CDH4: variants seen among roughly 807,000 people sequenced by gnomAD.
The protein encoded by CDH4 is cadherin-4.
A neutral mutation model predicts 86.0 loss-of-function variants in CDH4; 33 were observed. The ratio of observed to expected loss-of-function variants is 0.38; its 90% CI spans 0.29 to 0.51. CDH4 has a LOEUF of 0.51. CDH4 is among the 20% of genes least tolerant of loss of function. The pLI is 0.86. For synonymous variants in CDH4, 555 were observed against 549.4 expected (o/e 1.01, Z -0.14); for missense variants, 1,114 against 1,307.4 (o/e 0.85, Z 2.28).
At chr20:61,936,592 A>T in intron 15 of CDH4, 145 bp from the exon 16 acceptor site, 1 of 541,140 alleles carries the variant, frequency 1.8e-6, no homozygotes, top group Non-Finnish European at 3.1e-6. Flanking sequence ...CCCTTCAGTT[A>T]AATGCAGAGA....
At position 61,676,794 on chromosome 20, in the gene CDH4, G is replaced by A. The variant is rs573255979; in HGVS notation, c.170-66769G>A. On this transcript the variant is annotated intron_variant, in intron 2 of 15. Transcript: ENST00000614565. This position sits in a 1 kb window ranked among gnomAD's most constrained non-coding sequence, Gnocchi z 4.5. ...TGCGAGAAAGGGAAAGTGGGATCAG[G>A]ATGAGGCTTGGAGTGGAAGGGGGTT... is the stretch of plus-strand genomic sequence containing the variant. 6.6e-5 allele frequency among the ~76,000 whole-genome samples: 10 copies of A among 152,354 alleles called. No individual in the cohort carries two copies. Among genetic ancestry groups the A allele is most frequent in the African/African-American group, 1.9e-4 (8 of 41,588 alleles).
intron 4 of CDH4, among the ~76,000 whole-genome samples, chr20:61,821,583 C>A (rs1981046270): frequency 6.6e-6 from 1 of 152,146 alleles, no homozygotes; most frequent in Non-Finnish European, 1.5e-5. Context: ...TTCCAGGAGG[C>A]AGAAAGGTCC....
At chr20:61,314,775 C>T (rs544382835) in intron 2 of CDH4, among the ~76,000 whole-genome samples, 3 of 152,334 alleles carry the variant, frequency 2.0e-5, no homozygotes, top group Admixed American at 2.0e-4. Context: ...CTTTTCTCCA[C>T]GTCCTCACCG....
At chr20:61,638,051 AGAG>A (rs1220273012) in intron 2 of CDH4, among the ~76,000 whole-genome samples, 2 of 141,702 alleles carry the variant, frequency 1.4e-5, no homozygotes, top group East Asian at 2.1e-4. Context: ...TGAAGAGAGG[AGAG>A]GAGAAGAGTC....
intron 2 of CDH4, among the ~76,000 whole-genome samples, chr20:61,695,039 A>G (rs2087701986): frequency 6.6e-6 from 1 of 152,232 alleles, no homozygotes; most frequent in Non-Finnish European, 1.5e-5. Flanking sequence ...TAGGTGCAGA[A>G]AATATGTGCA....
intron 2 of CDH4, among the ~76,000 whole-genome samples, chr20:61,320,272 C>T (rs1373601869): frequency 6.6e-6 from 1 of 152,122 alleles, no homozygotes; most frequent in African/African-American, 2.4e-5. Flanking sequence ...CAGTTTTTGT[C>T]ACGATTGTTC....
chr20:61,921,242 A>G (rs1600775552), intron 9 of CDH4, among the ~76,000 whole-genome samples: 2 of 143,066 alleles, frequency 1.4e-5, no homozygotes, highest in Admixed American at 6.9e-5. Flanking sequence ...GCATGGAAGC[A>G]TGGTGTCACG....
At chr20:61,331,653 A>AGGTCTACCTCCTGCCCCG in intron 2 of CDH4, among the ~76,000 whole-genome samples, 1 of 22,718 alleles carries the variant, frequency 4.4e-5, no homozygotes, top group Non-Finnish European at 8.8e-5. Context: ...CTCCCGCCCC[A>AGGTCTACCTCCTGCCCCG]GCCACCTGCC....
intron 2 of CDH4, among the ~76,000 whole-genome samples, chr20:61,310,030 C>G (rs1033765951): frequency 6.6e-6 from 1 of 152,148 alleles, no homozygotes; most frequent in East Asian, 1.9e-4. Flanking sequence ...CTGCGGCTTA[C>G]AGAAATGGGT....
At chr20:61,471,768 G>A (rs1425955742) in intron 2 of CDH4, among the ~76,000 whole-genome samples, 1 of 151,940 alleles carries the variant, frequency 6.6e-6, no homozygotes. Context: ...ATTGCCCACT[G>A]GAGCATTATT....
chr20:61,885,875 G>C (rs12233286), intron 7 of CDH4, among the ~76,000 whole-genome samples: 15,331 of 152,240 alleles, frequency 0.1, 1,319 homozygotes, highest in East Asian at 0.51. Flanking sequence ...GGGGATGGAG[G>C]TTCCAGCAGT....
chr20:61,467,718 A>G (rs1039373620), intron 2 of CDH4, among the ~76,000 whole-genome samples: 3 of 152,302 alleles, frequency 2.0e-5, no homozygotes, highest in Admixed American at 6.5e-5. Context: ...TTCCATATCC[A>G]TCATCTTTAT....
chr20:61,557,625 G>A (rs182260710), intron 2 of CDH4, among the ~76,000 whole-genome samples: 60 of 152,154 alleles, frequency 3.9e-4, no homozygotes, highest in Non-Finnish European at 2.6e-4. Context: ...TGAAAATGCC[G>A]CTCTTTTACA....
intron 2 of CDH4, among the ~76,000 whole-genome samples, chr20:61,687,192 A>G (rs2087592696): frequency 6.6e-6 from 1 of 152,228 alleles, no homozygotes; most frequent in South Asian, 2.1e-4. Flanking sequence ...AAAGCTGCAG[A>G]GGTGCCCTCC....
chr20:61,813,485 G>A (rs987897247), intron 4 of CDH4, among the ~76,000 whole-genome samples: 14 of 152,222 alleles, frequency 9.2e-5, no homozygotes, highest in Admixed American at 4.6e-4. Context: ...GCTCAGAGAG[G>A]CTGTCACTTG....
intron 2 of CDH4, among the ~76,000 whole-genome samples, chr20:61,664,667 G>A (rs1418987264): frequency 6.6e-6 from 1 of 152,200 alleles, no homozygotes; most frequent in African/African-American, 2.4e-5. Context: ...TAGAGCCTGG[G>A]CAGCCCAGAG....
At chr20:61,853,275 G>A (rs574904675) in intron 6 of CDH4, among the ~76,000 whole-genome samples, 27 of 152,234 alleles carry the variant, frequency 1.8e-4, no homozygotes, top group South Asian at 1.7e-3. Flanking sequence ...GTGGGCTCCC[G>A]GGCAGGCGGA....
intron 2 of CDH4, among the ~76,000 whole-genome samples, chr20:61,373,962 G>A (rs1206537161): frequency 6.6e-6 from 1 of 152,030 alleles, no homozygotes; most frequent in Non-Finnish European, 1.5e-5. Flanking sequence ...TGTGGAACTC[G>A]TGGGGCAGTG....
At chr20:61,711,852 G>C (rs1265938097) in intron 2 of CDH4, among the ~76,000 whole-genome samples, 2 of 152,130 alleles carry the variant, frequency 1.3e-5, no homozygotes, top group African/African-American at 4.8e-5. Context: ...CTGAGGAAGT[G>C]GTATTCCAGC....
Sources: gnomAD v4.1 joint callset for allele counts (sites outside exome capture counted in the v4.1 genomes callset) on GRCh38, gnomAD v4.1.1 for gene constraint, Gnocchi (gnomAD v3.1) non-coding constraint, MANE v1.5 for transcripts, NCBI Gene and HGNC (gene_info 2026-07-23, HGNC 2026-07-21) for gene names.